PSMC6: variants seen among roughly 807,000 people sequenced by gnomAD.
The protein encoded by PSMC6 is proteasome 26S subunit, ATPase 6, also known as 26S proteasome regulatory subunit 10B.
PSMC6 carries 3 observed loss-of-function variants against 55.9 expected under a neutral mutation model. The ratio of observed to expected loss-of-function variants is 0.05; its 90% confidence interval spans 0.02 to 0.14. PSMC6 has a LOEUF of 0.14. Ranked by LOEUF, PSMC6 falls within the 10% of genes least tolerant of loss-of-function variation. The pLI, the probability that PSMC6 is intolerant of heterozygous loss-of-function variation, is 1.00. For synonymous variants in PSMC6, 137 were observed against 155.9 expected (o/e 0.88, Z 0.90); for missense variants, 210 against 478.7 (o/e 0.44, Z 5.24).
chr14:52,710,761 C>T (rs963697840), intron 4 of PSMC6: 20 of 301,766 alleles, frequency 6.6e-5, no homozygotes, highest in Non-Finnish European at 1.1e-4. Context: ...AAAATGCTTC[C>T]CTTTCCTTTC....
chr14:52,724,041 G>A lies in PSMC6; in HGVS notation c.1051+5G>A, dbSNP rs1439104943. ...GAAATGTTTGTACTGAAGCAGGTAAGGGTTTAAAGTACAGTTTTACTATTG... is the reference window on the plus strand; with the variant it reads ...GAAATGTTTGTACTGAAGCAGGTAAAGGTTTAAAGTACAGTTTTACTATTG... On this transcript the variant is annotated splice_donor_5th_base_variant and intron_variant, in intron 13 of 13. Coordinates refer to ENST00000445930, the MANE Select transcript of PSMC6 (RefSeq NM_002806.5). 1.2e-6 allele frequency: 2 copies of A among 1,610,498 alleles called. No homozygotes were observed. Among genetic ancestry groups the A allele is most frequent in the South Asian group, 2.2e-5 (2 of 90,746 alleles).
At chr14:52,718,418 T>C in intron 9 of PSMC6, 66 bp downstream of exon 9, 2 of 1,486,690 alleles carry the variant, frequency 1.3e-6, no homozygotes, top group Non-Finnish European at 1.8e-6. Flanking sequence ...CCTTTTTCCC[T>C]CTCTTAATCT....
intron 4 of PSMC6, 45 bp from the exon 5 acceptor site, chr14:52,711,034 AAACTCTCGTTAGAGTGTTATTC>A: frequency 6.1e-6 from 2 of 329,804 alleles, no homozygotes; most frequent in Non-Finnish European, 9.7e-6. Context: ...TCTAAATATT[AAACTCTCGTTAGAGTGTTATTC>A]CGTTTTTAAG....
chr14:52,726,243 C>A (rs374666194), intron 13 of PSMC6, among the ~76,000 whole-genome samples: 1 of 152,112 alleles, frequency 6.6e-6, no homozygotes, highest in African/African-American at 2.4e-5. Flanking sequence ...AACTTTTACC[C>A]CTTTGTCAAA....
At chr14:52,723,871 C>G (rs1038865230) in intron 12 of PSMC6, 94 bp from the exon 13 acceptor site, 9 of 1,534,868 alleles carry the variant, frequency 5.9e-6, no homozygotes, top group Non-Finnish European at 7.9e-6. Flanking sequence ...TGATCAAACT[C>G]AAAGTAAGCT....
intron 10 of PSMC6, among the ~76,000 whole-genome samples, chr14:52,719,340 CA>C (rs1407501077): frequency 6.6e-6 from 1 of 152,122 alleles, no homozygotes; most frequent in African/African-American, 2.4e-5. Context: ...TTTATGAAGA[CA>C]TTTTTTGTAA....
intron 6 of PSMC6, 37 bp downstream of exon 6, chr14:52,711,561 A>G: frequency 7.3e-7 from 1 of 1,368,858 alleles, no homozygotes; most frequent in Non-Finnish European, 1.0e-6. Flanking sequence ...AACTTAGCTA[A>G]TAAATACTAC....
chr14:52,717,020 G>C (rs375792043), intron 7 of PSMC6, among the ~76,000 whole-genome samples: 2 of 152,258 alleles, frequency 1.3e-5, no homozygotes, highest in South Asian at 2.1e-4. Context: ...TTGGTCAAAG[G>C]ATATAAAGTT....
At chr14:52,725,087 T>A (rs963143048) in intron 13 of PSMC6, among the ~76,000 whole-genome samples, 1 of 152,204 alleles carries the variant, frequency 6.6e-6, no homozygotes, top group Non-Finnish European at 1.5e-5. Context: ...CAGAGCGTTA[T>A]CAATAAACTA....
intron 7 of PSMC6, among the ~76,000 whole-genome samples, chr14:52,717,524 A>G (rs1355277186): frequency 6.6e-6 from 1 of 151,218 alleles, no homozygotes; most frequent in African/African-American, 2.4e-5. Flanking sequence ...TTTAGTAGAG[A>G]CGGGGTTTCA....
At chr14:52,724,841 TATAG>T (rs1310067087) in intron 13 of PSMC6, among the ~76,000 whole-genome samples, 10 of 152,222 alleles carry the variant, frequency 6.6e-5, no homozygotes, top group African/African-American at 2.2e-4. Flanking sequence ...CTTTATAGGT[TATAG>T]ATTTTCTTAA....
chr14:52,721,038 A>T (rs1181123655), intron 11 of PSMC6, 57 bp downstream of exon 11: 1 of 1,591,976 alleles, frequency 6.3e-7, no homozygotes, highest in African/African-American at 1.3e-5. Flanking sequence ...TTCTTTTTCC[A>T]TACTTCACTT....
At chr14:52,723,831 T>G in intron 12 of PSMC6, 134 bp from the exon 13 acceptor site, 1 of 1,438,262 alleles carries the variant, frequency 7.0e-7, no homozygotes, top group Non-Finnish European at 9.1e-7. Flanking sequence ...ATATTAATAT[T>G]GTGGAAAGTT....
At chr14:52,713,570 T>TA (rs964149411) in intron 6 of PSMC6, among the ~76,000 whole-genome samples, 3 of 152,154 alleles carry the variant, frequency 2.0e-5, no homozygotes, top group African/African-American at 7.2e-5. Flanking sequence ...ATAATTACAT[T>TA]AAAAAAATGT....
chr14:52,716,028 T>A (rs2041826902), intron 7 of PSMC6, among the ~76,000 whole-genome samples: 1 of 152,210 alleles, frequency 6.6e-6, no homozygotes, highest in Non-Finnish European at 1.5e-5. Context: ...TTTGGAAGAT[T>A]TGCATAACTC....
chr14:52,711,374 T>C (rs776952135), intron 5 of PSMC6, 36 bp from the exon 6 acceptor site: 5 of 1,525,070 alleles, frequency 3.3e-6, no homozygotes, highest in Admixed American at 3.5e-5. Flanking sequence ...AGAAAATATA[T>C]CTTTCAAAAG....
chr14:52,720,746 A>T, intron 10 of PSMC6, 115 bp from the exon 11 acceptor site: 3 of 798,214 alleles, frequency 3.8e-6, no homozygotes, highest in Non-Finnish European at 5.7e-6. Flanking sequence ...CATTCTGAAG[A>T]TAGAACATAT....
At chr14:52,710,984 A>C in intron 4 of PSMC6, 117 bp from the exon 5 acceptor site, 1 of 900,552 alleles carries the variant, frequency 1.1e-6, no homozygotes, top group Non-Finnish European at 1.8e-6. Context: ...ATAATCTGAT[A>C]TTTGTGTTCT....
At chr14:52,720,834 G>A in intron 10 of PSMC6, 27 bp from the exon 11 acceptor site, 1 of 1,555,838 alleles carries the variant, frequency 6.4e-7, no homozygotes, top group Non-Finnish European at 8.8e-7. Flanking sequence ...TAGAATTTTT[G>A]TAAAATCTGA....
Sources: gnomAD v4.1 joint callset for allele counts (sites outside exome capture counted in the v4.1 genomes callset) on GRCh38, gnomAD v4.1.1 for gene constraint, MANE v1.5 for transcripts, NCBI Gene and HGNC (gene_info 2026-07-23, HGNC 2026-07-21) for gene names.